The following RALYL variants were observed in gnomAD, a reference collection of about 807,000 sequenced individuals.
The protein encoded by RALYL is RALY RNA binding protein like, also known as RNA-binding Raly-like protein.
A neutral mutation model predicts 35.1 loss-of-function variants in RALYL; 29 were observed. The ratio of observed to expected loss-of-function variants is 0.83; its 90% CI spans 0.61 to 1.13. RALYL has a LOEUF of 1.13. Among genes scored for constraint, RALYL ranks in the 50% most tolerant of loss-of-function variants. The pLI is 0.00. For synonymous variants in RALYL, 120 were observed against 127.6 expected (o/e 0.94, Z 0.40); for missense variants, 359 against 360.4 (o/e 1.00, Z 0.03).
chr8:84,703,553 A>T lies in RALYL; in HGVS notation c.257-71026A>T, dbSNP rs113182820. On this transcript the variant is annotated intron_variant, in intron 2 of 8. Transcript: ENST00000521268. The stretch of plus-strand genomic sequence containing the variant: ...GAATTGTCACATGGTCTTTCCAAAA[A>T]CTGTTCAGATTGATATTAATTATAC... Among the ~76,000 whole-genome samples the T allele has an allele frequency of 6.4e-3, 969 of 152,270 alleles. 8 individuals carry two copies. Among genetic ancestry groups the T allele is most frequent in the African/African-American group, 0.022 (905 of 41,546 alleles).
intron 1 of RALYL, among the ~76,000 whole-genome samples, chr8:84,231,840 A>G (rs992149707): frequency 6.6e-6 from 1 of 152,194 alleles, no homozygotes; most frequent in African/African-American, 2.4e-5. Flanking sequence ...ATAGTTAAAT[A>G]TCTAGGATTC....
chr8:84,222,835 G>T (rs2131324560), intron 1 of RALYL, among the ~76,000 whole-genome samples: 1 of 152,222 alleles, frequency 6.6e-6, no homozygotes, highest in Admixed American at 6.5e-5. Context: ...CTTTGGTTAT[G>T]AGATGAGAGT....
intron 1 of RALYL, among the ~76,000 whole-genome samples, chr8:84,188,850 A>G (rs1444345146): frequency 6.6e-6 from 1 of 152,172 alleles, no homozygotes; most frequent in African/African-American, 2.4e-5. Flanking sequence ...GACTTATGTT[A>G]AATATCAAAC....
chr8:84,410,604 A>G (rs771523404), intron 1 of RALYL, among the ~76,000 whole-genome samples: 3 of 151,896 alleles, frequency 2.0e-5, no homozygotes, highest in South Asian at 2.1e-4. Flanking sequence ...ATTGTTTACA[A>G]TATGTCGTTT....
chr8:84,722,617 TTATATATATATATA>T (rs71823678), intron 2 of RALYL, among the ~76,000 whole-genome samples: 4 of 97,408 alleles, frequency 4.1e-5, no homozygotes, highest in South Asian at 6.2e-4. Flanking sequence ...TAGAGTGATT[TTATATATATATATA>T]TATATATATA....
chr8:84,312,567 A>C (rs1162399743), intron 1 of RALYL, among the ~76,000 whole-genome samples: 1 of 152,208 alleles, frequency 6.6e-6, no homozygotes. Flanking sequence ...AATTGGCCAA[A>C]ACAAGGCACA....
intron 8 of RALYL, among the ~76,000 whole-genome samples, chr8:84,900,357 A>G (rs1295288710): frequency 1.3e-5 from 2 of 152,178 alleles, no homozygotes; most frequent in Non-Finnish European, 2.9e-5. Flanking sequence ...AAGTAGTTAG[A>G]AAAACAAAAC....
intron 2 of RALYL, among the ~76,000 whole-genome samples, chr8:84,676,777 C>T (rs181990821): frequency 6.5e-4 from 98 of 151,696 alleles, no homozygotes; most frequent in African/African-American, 2.3e-3. Context: ...TTTTTTATTG[C>T]TTGCGCTTGA....
chr8:84,529,852 A>C (rs776247939), intron 2 of RALYL, among the ~76,000 whole-genome samples: 8 of 152,196 alleles, frequency 5.3e-5, no homozygotes, highest in Non-Finnish European at 1.0e-4. Context: ...AATATGCATC[A>C]GGTTTAACTT....
chr8:84,204,046 G>A (rs183985141), intron 1 of RALYL, among the ~76,000 whole-genome samples: 155 of 149,744 alleles, frequency 1.0e-3, no homozygotes, highest in Middle Eastern at 3.4e-3. Context: ...AAGTTTTTTT[G>A]TTTTTTAAGC....
intron 1 of RALYL, among the ~76,000 whole-genome samples, chr8:84,197,505 C>T (rs963062016): frequency 6.6e-6 from 1 of 152,198 alleles, no homozygotes; most frequent in Non-Finnish European, 1.5e-5. Context: ...TTAACAACCA[C>T]CAAAACAACC....
chr8:84,871,640 G>C (rs888331684), intron 6 of RALYL, among the ~76,000 whole-genome samples: 2 of 152,112 alleles, frequency 1.3e-5, no homozygotes, highest in Non-Finnish European at 2.9e-5. Flanking sequence ...GACATGAGGA[G>C]TGATTCTCTA....
chr8:84,558,459 G>A (rs569477783), intron 2 of RALYL, among the ~76,000 whole-genome samples: 1 of 152,022 alleles, frequency 6.6e-6, no homozygotes, highest in Non-Finnish European at 1.5e-5. Flanking sequence ...TTCACTTGAA[G>A]ACTTTTTTAG....
At chr8:84,770,419 C>CATATATATATATATACATATATATAT (rs1347642113) in intron 2 of RALYL, among the ~76,000 whole-genome samples, 2 of 151,828 alleles carry the variant, frequency 1.3e-5, no homozygotes, top group Non-Finnish European at 2.9e-5. Context: ...TATATATATA[C>CATATATATATATATACATATATATAT]ACACCATAAT....
At chr8:84,209,155 G>C (rs796851813) in intron 1 of RALYL, among the ~76,000 whole-genome samples, 1 of 103,072 alleles carries the variant, frequency 9.7e-6, no homozygotes, top group Non-Finnish European at 2.1e-5. Context: ...GAAAAGAAAA[G>C]AAAAACTATG....
At chr8:84,802,374 A>C (rs1344174779) in intron 3 of RALYL, among the ~76,000 whole-genome samples, 2 of 152,210 alleles carry the variant, frequency 1.3e-5, no homozygotes, top group African/African-American at 4.8e-5. Context: ...ATAGAACATC[A>C]TCAGAACTTT....
In RALYL at chr8:84,921,556, A is replaced by T. The variant is rs1449165230; in HGVS notation, c.*645A>T. The T allele has an allele frequency of 6.6e-6, 1 of 152,206 alleles. No individual in the cohort carries two copies. The allele number at this position is 152,206 out of a possible 1,614,324, so 9.4% of individuals were successfully genotyped here. A position where few individuals can be genotyped will look rare whatever the true frequency, so the allele number is the denominator to read the frequency against. ...AGCATGCTCCGCTCTACTGAACTAA[A>T]TGATCCAATTATTACTTCAGTCTGG... On this transcript the variant is annotated 3_prime_UTR_variant, in exon 9 of 9. Transcript: ENST00000521268.
chr8:84,895,375 TTTG>T (rs968601327), intron 8 of RALYL, among the ~76,000 whole-genome samples: 2 of 151,998 alleles, frequency 1.3e-5, no homozygotes, highest in Non-Finnish European at 2.9e-5. Context: ...TCAGAAAGAC[TTTG>T]TTAAGTCTTT....
intron 2 of RALYL, among the ~76,000 whole-genome samples, chr8:84,747,616 A>G (rs1808921489): frequency 6.6e-6 from 1 of 151,926 alleles, no homozygotes; most frequent in Non-Finnish European, 1.5e-5. Flanking sequence ...AGTTCTTGTA[A>G]AGATTTCTAA....
Sources: allele counts gnomAD v4.1 joint callset (sites outside exome capture counted in the v4.1 genomes callset), GRCh38; gene constraint gnomAD v4.1.1; transcripts MANE v1.5; gene names NCBI Gene and HGNC (gene_info 2026-07-23, HGNC 2026-07-21).